Variants in SERINC3 observed in about 807,000 individuals in gnomAD.
SERINC3 encodes tumor differentially expressed protein 1.
SERINC3 carries 22 observed loss-of-function variants against 52.1 expected under a neutral mutation model. That is an observed-to-expected ratio of 0.42 (90% confidence interval 0.30 to 0.60). The LOEUF (loss-of-function observed/expected upper bound fraction) is 0.60, where lower values mean the gene tolerates loss of function less well. Ranked by LOEUF, SERINC3 falls within the 20% of genes least tolerant of loss-of-function variation. The pLI, the probability that SERINC3 is intolerant of heterozygous loss-of-function variation, is 0.16. For missense variants in SERINC3, 564 were observed against 584.6 expected (o/e 0.96, Z 0.36); for synonymous variants, 226 against 212.7 (o/e 1.06, Z -0.54).
chr20:44,518,130 C>T (rs1008130524), intron 1 of SERINC3, among the ~76,000 whole-genome samples: 4 of 152,060 alleles, frequency 2.6e-5, no homozygotes, highest in African/African-American at 9.7e-5. Flanking sequence ...GGATTAAGCG[C>T]AAAAGTTCCC....
At chr20:44,503,260 A>T (rs2064290900) in intron 8 of SERINC3, among the ~76,000 whole-genome samples, 1 of 152,216 alleles carries the variant, frequency 6.6e-6, no homozygotes, top group Non-Finnish European at 1.5e-5. Flanking sequence ...TGACAAGCTG[A>T]TCCTGAAATT....
intron 2 of SERINC3, among the ~76,000 whole-genome samples, 197 bp downstream of exon 2, chr20:44,513,682 T>C (rs2064362342): frequency 6.6e-6 from 1 of 152,180 alleles, no homozygotes; most frequent in Non-Finnish European, 1.5e-5. Flanking sequence ...GTTGTTCGAC[T>C]GGAGCCCAGA....
chr20:44,504,821 G>A lies in SERINC3; in HGVS notation c.854C>T (p.Ser285Leu), dbSNP rs891913519. The A allele has an allele frequency of 6.2e-7, 1 of 1,611,442 alleles. No homozygotes were observed. The highest frequency in any genetic ancestry group is 8.5e-7 in the Non-Finnish European group (1 of 1,177,956). The change falls in exon 7 of 10, where the codon TCA becomes TTA. Residue 285 changes from serine to leucine, a missense_variant. Ser to Leu is a moderately radical substitution (Grantham distance 145). Coordinates refer to ENST00000342374, the MANE Select transcript of SERINC3 (RefSeq NM_006811.4). ...ITLYTMYLTW[S>L]AMSNEPDRSC... Reference sequence around the variant, plus strand: ...CTTACCAGGTTCATTGGACATGGCTGACCAGGTGAGGTACATAGTGTAGAG... The same window carrying A: ...CTTACCAGGTTCATTGGACATGGCTAACCAGGTGAGGTACATAGTGTAGAG...
chr20:44,521,968 G>A lies in SERINC3; in HGVS notation c.-17C>T. On this transcript the variant is annotated 5_prime_UTR_variant, in exon 1 of 10. Coordinates refer to ENST00000342374, the MANE Select transcript of SERINC3 (RefSeq NM_006811.4). ...AGCCCCCATGGTGACGCCAGTGATG[G>A]AGGTGGCCGGTCCTGAGGCTGCTTT... The A allele has an allele frequency of 6.2e-7, 1 of 1,607,570 alleles. No homozygotes were observed. The highest frequency in any genetic ancestry group is 8.5e-7 in the Non-Finnish European group (1 of 1,177,036).
At chr20:44,504,303 T>A (rs993092567) in intron 7 of SERINC3, among the ~76,000 whole-genome samples, 2 of 152,234 alleles carry the variant, frequency 1.3e-5, no homozygotes, top group Non-Finnish European at 2.9e-5. Flanking sequence ...CAGAAGTTTA[T>A]CTCTATTTTG....
At chr20:44,521,134 C>A (rs1420818878) in intron 1 of SERINC3, among the ~76,000 whole-genome samples, 1 of 152,250 alleles carries the variant, frequency 6.6e-6, no homozygotes, top group African/African-American at 2.4e-5. Flanking sequence ...GCAGGAGAAA[C>A]TGAGTGTGCT....
intron 6 of SERINC3, among the ~76,000 whole-genome samples, chr20:44,505,749 C>T (rs146248362): frequency 0.012 from 1,765 of 151,894 alleles, 50 homozygotes; most frequent in African/African-American, 0.04. Context: ...TACAGGTGTG[C>T]GCCCCCACGC....
At chr20:44,514,555 C>A (rs1402997989) in intron 1 of SERINC3, among the ~76,000 whole-genome samples, 3 of 151,902 alleles carry the variant, frequency 2.0e-5, no homozygotes, top group South Asian at 2.1e-4. Flanking sequence ...GTCAGGAGAT[C>A]GAGACCATCC....
intron 9 of SERINC3, 24 bp downstream of exon 9, chr20:44,501,045 TTCTG>T (rs754127018): frequency 3.0e-5 from 46 of 1,540,632 alleles, no homozygotes; most frequent in African/African-American, 5.4e-5. Context: ...TTTTATGGTC[TTCTG>T]TCTGTTTTGT....
At chr20:44,518,755 G>A (rs779711274) in intron 1 of SERINC3, among the ~76,000 whole-genome samples, 1 of 151,986 alleles carries the variant, frequency 6.6e-6, no homozygotes, top group Non-Finnish European at 1.5e-5. Flanking sequence ...ACCTGAGGTC[G>A]GGAGTTCAAG....
intron 8 of SERINC3, among the ~76,000 whole-genome samples, chr20:44,502,894 G>A (rs956763523): frequency 6.6e-6 from 1 of 152,082 alleles, no homozygotes; most frequent in Non-Finnish European, 1.5e-5. Context: ...ACCATGCCTC[G>A]TCACCAATCA....
chr20:44,518,318 CAAAAAAAAAAA>C (rs3091899), intron 1 of SERINC3, among the ~76,000 whole-genome samples: 3 of 87,540 alleles, frequency 3.4e-5, no homozygotes, highest in Non-Finnish European at 6.8e-5. Flanking sequence ...AAATTAGCCT[CAAAAAAAAAAA>C]AAAAAAAAAA....
chr20:44,513,213 C>T (rs1478276328), intron 2 of SERINC3, among the ~76,000 whole-genome samples: 2 of 152,052 alleles, frequency 1.3e-5, no homozygotes, highest in African/African-American at 2.4e-5. Context: ...CGGCTGGGCA[C>T]GGTGGCTCAC....
intron 7 of SERINC3, among the ~76,000 whole-genome samples, chr20:44,504,414 A>C (rs1297243523): frequency 3.3e-5 from 5 of 152,224 alleles, no homozygotes; most frequent in Admixed American, 3.3e-4. Flanking sequence ...TATCCTACTG[A>C]GAAACAATCC....
At chr20:44,507,129 A>G in intron 5 of SERINC3, 133 bp from the exon 6 acceptor site, 1 of 594,286 alleles carries the variant, frequency 1.7e-6, no homozygotes. Flanking sequence ...GTAAAATTAC[A>G]GAGGTCTCAA....
At chr20:44,497,148 T>C (rs932521137), downstream of SERINC3, among the ~76,000 whole-genome samples, 1 of 152,200 alleles carries the variant, frequency 6.6e-6, no homozygotes, top group African/African-American at 2.4e-5. Flanking sequence ...CCTTTCATAG[T>C]GATGAAACAT....
intron 4 of SERINC3, among the ~76,000 whole-genome samples, chr20:44,510,876 T>C (rs962391712): frequency 6.6e-6 from 1 of 152,024 alleles, no homozygotes; most frequent in African/African-American, 2.4e-5. Context: ...TCTCATTTAC[T>C]TGTCAGTTCT....
rs189437621 is a variant in SERINC3, at chr20:44,509,688, C to G, written c.613+203G>C. Among the ~76,000 whole-genome samples the G allele has an allele frequency of 1.9e-3, 284 of 152,200 alleles. 9 individuals are homozygous for G. Among genetic ancestry groups the G allele is most frequent in the Admixed American group, 0.018 (270 of 15,274 alleles). ...GGACTATAGGTATATGCCACCATGC[C>G]TGGCAAATTTTTTTTTTCTAATGTA... is the stretch of plus-strand genomic sequence containing the variant. On this transcript the variant is annotated intron_variant, in intron 5 of 9. Coordinates refer to ENST00000342374, the MANE Select transcript of SERINC3 (RefSeq NM_006811.4).
intron 6 of SERINC3, among the ~76,000 whole-genome samples, chr20:44,506,017 C>A (rs1249822064): frequency 6.6e-6 from 1 of 152,012 alleles, no homozygotes; most frequent in Non-Finnish European, 1.5e-5. Flanking sequence ...AGAATCATTC[C>A]CAGCCACATG....
Sources: allele counts gnomAD v4.1 joint callset (sites outside exome capture counted in the v4.1 genomes callset), GRCh38; gene constraint gnomAD v4.1.1; transcripts MANE v1.5; gene names NCBI Gene and HGNC (gene_info 2026-07-23, HGNC 2026-07-21).